Variants in PIEZO2 observed in about 807,000 individuals in gnomAD.
The protein encoded by PIEZO2 is piezo type mechanosensitive ion channel component 2, also known as piezo-type mechanosensitive ion channel component 2.
Under a neutral mutation model 337.3 loss-of-function variants are expected in PIEZO2, and 172 were observed. That is an observed-to-expected ratio of 0.51 (90% CI 0.45 to 0.58). The LOEUF is 0.58. Ranked by LOEUF, PIEZO2 falls within the 20% of genes least tolerant of loss-of-function variation. The pLI, the probability that PIEZO2 is intolerant of heterozygous loss-of-function variation, is 0.00. For synonymous variants in PIEZO2, 1,251 were observed against 1,228.5 expected (o/e 1.02, Z -0.38); for missense variants, 3,028 against 3,391.3 (o/e 0.89, Z 2.66).
intron 3 of PIEZO2, among the ~76,000 whole-genome samples, chr18:10,971,412 A>AT (rs1256119236): frequency 6.6e-6 from 1 of 152,154 alleles, no homozygotes; most frequent in East Asian, 1.9e-4. Flanking sequence ...AAAAATACAG[A>AT]TAAAAACCAT....
chr18:11,030,482 A>T (rs544989986), intron 2 of PIEZO2, among the ~76,000 whole-genome samples: 1 of 152,336 alleles, frequency 6.6e-6, no homozygotes, highest in South Asian at 2.1e-4. Context: ...CAAAGGAGTG[A>T]CTTGCCCAAG....
At chr18:10,865,016 GA>G (rs1318871773) in intron 5 of PIEZO2, among the ~76,000 whole-genome samples, 1 of 152,322 alleles carries the variant, frequency 6.6e-6, no homozygotes, top group East Asian at 1.9e-4. Flanking sequence ...GCAGAGTCCA[GA>G]AGGACAAGAG....
rs1358767038 is a variant in PIEZO2, at chr18:11,048,801, C to A, written c.160+17326G>T. Among the ~76,000 whole-genome samples the A allele has an allele frequency of 6.6e-6, 1 of 152,162 alleles. No homozygotes were observed. Among genetic ancestry groups the A allele is most frequent in the Admixed American group, 6.5e-5 (1 of 15,284 alleles). On this transcript the variant is annotated intron_variant, in intron 2 of 55. Coordinates refer to ENST00000674853, the MANE Select transcript of PIEZO2 (RefSeq NM_001378183.1). The surrounding 1 kb of genome is among the most constrained non-coding windows in gnomAD (Gnocchi z 4.5). ...GAATTACTATGTAGAAAGCTTGGGA[C>A]AGTTGCCTGGCATATAGCTATACTG...
chr18:10,923,647 A>T (rs1354338664), intron 3 of PIEZO2, among the ~76,000 whole-genome samples: 1 of 152,218 alleles, frequency 6.6e-6, no homozygotes, highest in South Asian at 2.1e-4. Flanking sequence ...AGCTTCAATG[A>T]CACTCAGCTT....
In PIEZO2 at chr18:11,112,025, A is replaced by T. The variant is rs1400134144; in HGVS notation, c.64+36500T>A. ...AGGGGAGCCGTGAATGAAGTTTCAT[A>T]GTCCTTTATATTAATAAAGAACTTC... is the stretch of plus-strand genomic sequence containing the variant. On this transcript the variant is annotated intron_variant, in intron 1 of 55. Coordinates refer to ENST00000674853, the MANE Select transcript of PIEZO2 (RefSeq NM_001378183.1). The surrounding 1 kb of genome is among the most constrained non-coding windows in gnomAD (Gnocchi z 4.3). Among the ~76,000 whole-genome samples the T allele has an allele frequency of 6.6e-6, 1 of 152,216 alleles. No homozygotes were observed.
intron 2 of PIEZO2, among the ~76,000 whole-genome samples, chr18:10,985,616 G>A (rs534252671): frequency 1.8e-4 from 28 of 152,178 alleles, no homozygotes; most frequent in Admixed American, 3.3e-4. Context: ...AAATCAGGAA[G>A]TGTGATGCTT....
At chr18:11,049,887 C>T (rs1053806037) in intron 2 of PIEZO2, among the ~76,000 whole-genome samples, 6 of 152,088 alleles carry the variant, frequency 3.9e-5, no homozygotes, top group African/African-American at 4.8e-5. Flanking sequence ...AGCATGAAAA[C>T]GGAGTAATAC....
chr18:11,048,857 A>G lies in PIEZO2; in HGVS notation c.160+17270T>C, dbSNP rs980039703. ...CCTGTTTATTCTTCTTATAATTAAT[A>G]ATCTGCACTTTTTGAAAGTTAAATA... On this transcript the variant is annotated intron_variant, in intron 2 of 55. Coordinates refer to ENST00000674853, the MANE Select transcript of PIEZO2 (RefSeq NM_001378183.1). This position sits in a 1 kb window ranked among gnomAD's most constrained non-coding sequence, Gnocchi z 4.5. Among the ~76,000 whole-genome samples the G allele has an allele frequency of 5.3e-5, 8 of 152,226 alleles. No individual in the cohort carries two copies. The highest frequency in any genetic ancestry group is 1.9e-4 in the African/African-American group (8 of 41,452).
At chr18:10,999,604 C>T (rs1320342126) in intron 2 of PIEZO2, among the ~76,000 whole-genome samples, 1 of 151,954 alleles carries the variant, frequency 6.6e-6, no homozygotes, top group Non-Finnish European at 1.5e-5. Flanking sequence ...AATATTATGC[C>T]ATTTTATATA....
rs955331871 is a variant in PIEZO2 at position 10,789,097 on chromosome 18, G to A, written c.2151C>T (p.Phe717=). 1.3e-5 allele frequency: 20 copies of A among 1,537,010 alleles called. No homozygotes were observed. In the African/African-American group the frequency reaches 2.6e-4, roughly 20 times the overall value. Residue 717 remains phenylalanine, a synonymous_variant, in exon 15 of 56, where the codon TTC becomes TTT. Transcript: ENST00000674853. ...TACCTACCTGGTATAGGGCCACACA[G>A]AACAGGAACAGCACCATGTAGATGA... is the stretch of plus-strand genomic sequence containing the variant. ...YKIIYMVLFL[F]CVALYQVHYE... is the part of the protein sequence containing the mutation.
At chr18:10,684,912 G>T (rs1184503625) in intron 49 of PIEZO2, among the ~76,000 whole-genome samples, 6 of 136,374 alleles carry the variant, frequency 4.4e-5, no homozygotes, top group Non-Finnish European at 1.0e-4. Context: ...CTGCTACCCA[G>T]ACCAGAGTGC....
Position 10,675,292 on chromosome 18 carries a change from T to A in PIEZO2, c.8082-4A>T. The A allele has an allele frequency of 6.9e-7, 1 of 1,446,188 alleles. No homozygotes were observed. The highest frequency in any genetic ancestry group is 2.5e-5 in the Admixed American group (1 of 39,368). 89.6% of individuals were successfully genotyped at this position (1,446,188 alleles called of 1,614,324 possible). A position where few individuals can be genotyped will look rare whatever the true frequency, so the allele number is the denominator to read the frequency against. On this transcript the variant is annotated splice_region_variant and splice_polypyrimidine_tract_variant and intron_variant, in intron 53 of 55. Coordinates refer to ENST00000674853, the MANE Select transcript of PIEZO2 (RefSeq NM_001378183.1). The stretch of plus-strand genomic sequence containing the variant: ...TGGATAAATCTTTTCTATGGTCCTG[T>A]ACATTAAGAAAAAAAAGATACAATT...
chr18:10,832,552 C>A (rs1295737314), intron 7 of PIEZO2, among the ~76,000 whole-genome samples: 1 of 152,174 alleles, frequency 6.6e-6, no homozygotes, highest in East Asian at 1.9e-4. Flanking sequence ...TTGATAGAGA[C>A]CCAATTGGCC....
At chr18:10,910,855 G>A (rs1489356306) in intron 4 of PIEZO2, among the ~76,000 whole-genome samples, 1 of 152,112 alleles carries the variant, frequency 6.6e-6, no homozygotes, top group East Asian at 2.0e-4. Flanking sequence ...TATGACATAG[G>A]AGGTGATGAA....
At position 10,973,239 on chromosome 18, in the gene PIEZO2, G is replaced by A. The variant is rs1296968316; in HGVS notation, c.286+6296C>T. Among the ~76,000 whole-genome samples, 3 of 152,200 alleles carry A rather than the reference G, an allele frequency of 2.0e-5. No individual in the cohort carries two copies. The highest frequency in any genetic ancestry group is 4.8e-5 in the African/African-American group (2 of 41,442). ...GTCATGCAGTGCTACCACTCAGCTCGCCTTCGTGCCTGTGTCTAGCTTTTG... is the reference window on the plus strand; with the variant it reads ...GTCATGCAGTGCTACCACTCAGCTCACCTTCGTGCCTGTGTCTAGCTTTTG... On this transcript the variant is annotated intron_variant, in intron 3 of 55. Coordinates refer to ENST00000674853, the MANE Select transcript of PIEZO2 (RefSeq NM_001378183.1). The surrounding 1 kb of genome is among the most constrained non-coding windows in gnomAD (Gnocchi z 4.9).
chr18:10,875,142 T>A (rs2144811431), intron 4 of PIEZO2, among the ~76,000 whole-genome samples: 1 of 152,264 alleles, frequency 6.6e-6, no homozygotes, highest in South Asian at 2.1e-4. Flanking sequence ...CTGTGAAAGC[T>A]TAATTTTTAC....
At chr18:11,085,570 G>T (rs918328307) in intron 1 of PIEZO2, among the ~76,000 whole-genome samples, 6 of 152,032 alleles carry the variant, frequency 3.9e-5, no homozygotes, top group Non-Finnish European at 2.9e-5. Context: ...AGTACACACA[G>T]GTTTTAGTGT....
At chr18:10,839,624 C>A (rs900781686) in intron 7 of PIEZO2, among the ~76,000 whole-genome samples, 9 of 152,306 alleles carry the variant, frequency 5.9e-5, no homozygotes, top group Non-Finnish European at 1.0e-4. Flanking sequence ...GGCAGTAAAG[C>A]AGCAGGAGTC....
At chr18:10,852,572 C>G (rs1225529818) in intron 7 of PIEZO2, among the ~76,000 whole-genome samples, 1 of 152,208 alleles carries the variant, frequency 6.6e-6, no homozygotes, top group Non-Finnish European at 1.5e-5. Context: ...CCACTGGGCC[C>G]TCTCACACAT....
Sources: gnomAD v4.1 joint callset for allele counts (sites outside exome capture counted in the v4.1 genomes callset) on GRCh38, gnomAD v4.1.1 for gene constraint, Gnocchi (gnomAD v3.1) non-coding constraint, MANE v1.5 for transcripts, NCBI Gene and HGNC (gene_info 2026-07-23, HGNC 2026-07-21) for gene names.